The following AHDC1 variants were observed in gnomAD, a reference collection of about 807,000 sequenced individuals.
AHDC1 encodes transcription factor Gibbin.
AHDC1 carries 7 observed loss-of-function variants against 87.9 expected under a neutral mutation model. That is an observed-to-expected ratio of 0.08 (90% CI 0.05 to 0.15). The LOEUF (loss-of-function observed/expected upper bound fraction) is 0.15, where lower values mean the gene tolerates loss of function less well. AHDC1 is among the 10% of genes least tolerant of loss of function. AHDC1 has a pLI of 1.00. For missense variants in AHDC1, 1,841 were observed against 2,253.2 expected, an observed-to-expected ratio of 0.82 and a Z score of 3.70; for synonymous variants, 1,051 against 1,006.8, an observed-to-expected ratio of 1.04 and a Z score of -0.83.
chr1:27,549,448 T>C lies in AHDC1; in HGVS notation c.2668A>G (p.Ser890Gly), dbSNP rs778930766. 1.9e-6 allele frequency: 3 copies of C among 1,612,626 alleles called. No homozygotes were observed. Among genetic ancestry groups the C allele is most frequent in the Admixed American group, 3.3e-5 (2 of 59,986 alleles). ...PAQRGLATFP[S>G]RGAKASPVAV... ...ACTGGGCTGGCCTTGGCTCCCCGGC[T>C]AGGGAAGGTGGCCAGGCCCCGCTGG... is the stretch of plus-strand genomic sequence containing the variant. The change falls in exon 8 of 9, where the codon AGC becomes GGC. Residue 890 changes from serine to glycine, a missense_variant. Transcript: ENST00000673934.
Position 27,549,477 on chromosome 1 carries a change from G to C in AHDC1, c.2639C>G (p.Pro880Arg). ...GAAGGTGGCCAGGCCCCGCTGGGCAGGCAGGGCACTGGTGGGTGGCCCTGC... is the reference window on the plus strand; with the variant it reads ...GAAGGTGGCCAGGCCCCGCTGGGCACGCAGGGCACTGGTGGGTGGCCCTGC... Reference protein sequence around the residue: ...TYAGPPTSALPAQRGLATFPS... With the variant: ...TYAGPPTSALRAQRGLATFPS... The change falls in exon 8 of 9, where the codon CCT (proline) becomes CGT (arginine). Residue 880 changes from proline to arginine, a missense_variant. Around this residue, in one of 13 missense-constraint regions of AHDC1, gnomAD observed 378 missense variants for 399.0 expected, o/e 0.95. Transcript: ENST00000673934. The C allele has an allele frequency of 6.2e-7, 1 of 1,613,106 alleles. No homozygotes were observed. The highest frequency in any genetic ancestry group is 8.5e-7 in the Non-Finnish European group (1 of 1,179,868).
At chr1:27,540,952 C>T (rs1339732645) in intron 8 of AHDC1, among the ~76,000 whole-genome samples, 2 of 135,214 alleles carry the variant, frequency 1.5e-5, no homozygotes, top group Non-Finnish European at 3.1e-5. Context: ...TTAATCAATT[C>T]ATCCAATAAA....
chr1:27,569,103 A>AC (rs2020458277), intron 3 of AHDC1, among the ~76,000 whole-genome samples: 1 of 134,398 alleles, frequency 7.4e-6, no homozygotes, highest in Admixed American at 7.9e-5. Flanking sequence ...TCTGGATACT[A>AC]CCCCCCATCG....
In AHDC1 at chr1:27,549,101, G is replaced by A; in HGVS notation, c.3015C>T (p.Gly1005=). The change falls in exon 8 of 9, where the codon GGC becomes GGT. Residue 1005 remains glycine (G), a synonymous_variant. Coordinates refer to ENST00000673934, the MANE Select transcript of AHDC1 (RefSeq NM_001371928.1). The part of the protein sequence containing the change: ...SKDCSFAYGS[G]NSLPASPSSA... ...TGCTGGGTGAGGCAGGGAGGCTGTTGCCACTGCCATAGGCGAAGCTGCAGT... is the reference window on the plus strand; with the variant it reads ...TGCTGGGTGAGGCAGGGAGGCTGTTACCACTGCCATAGGCGAAGCTGCAGT... 6.4e-7 allele frequency: 1 copy of A among 1,553,626 alleles called. No individual in the cohort carries two copies.
At position 27,595,877 on chromosome 1, in the gene AHDC1, CG is replaced by C. The variant is rs529192523; in HGVS notation, c.-629+7519del. ...ATGTGCATGTGAGGTAGCTGGATGT[CG>C]GGGGGTATCTGTATGTAGAGTGTGT... On this transcript the variant is annotated intron_variant, in intron 3 of 8. Coordinates refer to ENST00000673934, the MANE Select transcript of AHDC1 (RefSeq NM_001371928.1). The surrounding 1 kb of genome is among the most constrained non-coding windows in gnomAD (Gnocchi z 4.0). Among the ~76,000 whole-genome samples, 82 of 150,518 alleles carry C rather than the reference CG, an allele frequency of 5.4e-4. No homozygotes were observed. Among genetic ancestry groups the C allele is most frequent in the Middle Eastern group, 6.8e-3 (2 of 294 alleles).
At position 27,549,659 on chromosome 1, in the gene AHDC1, C is replaced by G; in HGVS notation, c.2457G>C (p.Thr819=). The part of the protein sequence containing the change: ...GASGRGSYYS[T]GAPSGQTELS... ...GCTCGGTCTGGCCTGAGGGTGCACCCGTGCTGTAGTAGCTGCCACGGCCTG... is the reference window on the plus strand; with the variant it reads ...GCTCGGTCTGGCCTGAGGGTGCACCGGTGCTGTAGTAGCTGCCACGGCCTG... The change falls in exon 8 of 9, where the codon ACG becomes ACC. Residue 819 remains threonine (T), a synonymous_variant. Transcript: ENST00000673934. 6.2e-7 allele frequency: 1 copy of G among 1,613,116 alleles called. No individual in the cohort carries two copies. The highest frequency in any genetic ancestry group is 8.5e-7 in the Non-Finnish European group (1 of 1,180,024).
rs1207697746 is a variant in AHDC1 at position 27,547,739 on chromosome 1, G to A, written c.4377C>T (p.Pro1459=). The change falls in exon 8 of 9, where the codon CCC becomes CCT. Residue 1459 remains proline, a synonymous_variant. Coordinates refer to ENST00000673934, the MANE Select transcript of AHDC1 (RefSeq NM_001371928.1). The surrounding 1 kb of genome is among the most constrained non-coding windows in gnomAD (Gnocchi z 4.9). ...ACCAATAGGCTGTGCCCTTGCAGCT[G>A]GGGGAATCGTAGTGGGGCTGGCCCA... ...LPLGQPHYDS[P]SCKGTAYWYP... 1.3e-6 allele frequency: 2 copies of A among 1,592,658 alleles called. No homozygotes were observed. Among genetic ancestry groups the A allele is most frequent in the Admixed American group, 3.4e-5 (2 of 58,706 alleles).
intron 8 of AHDC1, among the ~76,000 whole-genome samples, chr1:27,535,793 A>G (rs1252147214): frequency 6.6e-6 from 1 of 151,782 alleles, no homozygotes. Flanking sequence ...TTTCCCAGAC[A>G]GTTCTCATTA....
intron 8 of AHDC1, among the ~76,000 whole-genome samples, chr1:27,537,409 T>C (rs2018692419): frequency 1.3e-5 from 2 of 152,164 alleles, no homozygotes; most frequent in Non-Finnish European, 2.9e-5. Context: ...GGGAGGCAGC[T>C]AACCTGGTCG....
At position 27,549,860 on chromosome 1, in the gene AHDC1, T is replaced by C. The variant is rs760869103; in HGVS notation, c.2256A>G (p.Pro752=). 1 of 1,613,366 alleles carries C rather than the reference T, an allele frequency of 6.2e-7. No individual in the cohort carries two copies. The highest frequency in any genetic ancestry group is 8.5e-7 in the Non-Finnish European group (1 of 1,179,588). The change falls in exon 8 of 9, where the codon CCA becomes CCG. Residue 752 remains proline, a synonymous_variant. Transcript: ENST00000673934. ...AGCCTGGGCCACTGGGCACCTGCTC[T>C]GGGAACAGAGTCCCATTCTTCCGGG... ...RRSRKNGTLF[P]EQVPSGPGFG... is the part of the protein sequence containing the mutation.
chr1:27,556,967 C>A (rs1247374443), intron 5 of AHDC1, among the ~76,000 whole-genome samples: 1 of 151,044 alleles, frequency 6.6e-6, no homozygotes, highest in Non-Finnish European at 1.5e-5. Flanking sequence ...CCCTGCCCCG[C>A]CCCCTGGGGC....
chr1:27,566,923 G>A (rs1445212425), intron 3 of AHDC1, among the ~76,000 whole-genome samples: 3 of 151,974 alleles, frequency 2.0e-5, no homozygotes, highest in Non-Finnish European at 4.4e-5. Context: ...CATGGTAGGG[G>A]GCTGAGGCAG....
chr1:27,568,486 C>T (rs1486734319), intron 3 of AHDC1, among the ~76,000 whole-genome samples: 3 of 152,144 alleles, frequency 2.0e-5, no homozygotes, highest in Non-Finnish European at 4.4e-5. Context: ...AGGGCGAGGC[C>T]TTCAACGGTC....
chr1:27,541,192 G>T (rs2018900250), intron 8 of AHDC1, among the ~76,000 whole-genome samples: 1 of 152,080 alleles, frequency 6.6e-6, no homozygotes, highest in South Asian at 2.1e-4. Context: ...CCCATTTCCT[G>T]CCTCCAGGAA....
chr1:27,537,395 C>T (rs2018691654), intron 8 of AHDC1, among the ~76,000 whole-genome samples: 1 of 152,174 alleles, frequency 6.6e-6, no homozygotes, highest in African/African-American at 2.4e-5. Flanking sequence ...CACGGAAGGT[C>T]CTGGGGAGGC....
At chr1:27,572,127 G>C (rs925430184) in intron 3 of AHDC1, among the ~76,000 whole-genome samples, 3 of 152,140 alleles carry the variant, frequency 2.0e-5, no homozygotes, top group African/African-American at 7.2e-5. Context: ...ATCCATTTTG[G>C]GGGGTGGTCC....
At chr1:27,592,292 C>T (rs1455536658) in intron 3 of AHDC1, among the ~76,000 whole-genome samples, 1 of 152,306 alleles carries the variant, frequency 6.6e-6, no homozygotes, top group South Asian at 2.1e-4. Context: ...CCGTCACCAC[C>T]CAGCTTGTCA....
intron 3 of AHDC1, among the ~76,000 whole-genome samples, chr1:27,581,300 A>G (rs775883926): frequency 1.5e-4 from 23 of 152,056 alleles, no homozygotes; most frequent in Non-Finnish European, 2.9e-4. Flanking sequence ...TGGCTACTTA[A>G]TTTTTTATGT....
Position 27,543,547 on chromosome 1 carries a change from G to A in AHDC1, c.*43+3714C>T, listed in dbSNP as rs188814294. On this transcript the variant is annotated intron_variant, in intron 8 of 8. Coordinates refer to ENST00000673934, the MANE Select transcript of AHDC1 (RefSeq NM_001371928.1). ...CCTCTGCCCAGAATGCCCTTCCCCCGGTCTCCATGTGTGCAAACCTTGCCT... is the reference window on the plus strand; with the variant it reads ...CCTCTGCCCAGAATGCCCTTCCCCCAGTCTCCATGTGTGCAAACCTTGCCT... Among the ~76,000 whole-genome samples the A allele has an allele frequency of 1.7e-3, 261 of 152,250 alleles. 3 individuals are homozygous for A. Among genetic ancestry groups the A allele is most frequent in the African/African-American group, 5.8e-3 (242 of 41,540 alleles).
Sources: allele counts gnomAD v4.1 joint callset (sites outside exome capture counted in the v4.1 genomes callset), GRCh38; gene constraint gnomAD v4.1.1; regional missense constraint gnomAD v4.1.1; non-coding constraint Gnocchi (gnomAD v3.1); transcripts MANE v1.5; gene names NCBI Gene and HGNC (gene_info 2026-07-23, HGNC 2026-07-21).